Variants in SV2C observed in about 807,000 individuals in gnomAD.
The protein encoded by SV2C is synaptic vesicle glycoprotein 2C.
Under a neutral mutation model 79.7 loss-of-function variants are expected in SV2C, and 49 were observed. The observed-to-expected ratio is 0.61, with a 90% CI of 0.49 to 0.78. SV2C has a LOEUF of 0.78. SV2C is among the 30% of genes least tolerant of loss of function. The pLI is 0.00. For synonymous variants in SV2C, 334 were observed against 333.2 expected, an observed-to-expected ratio of 1.00 and a Z score of -0.03; for missense variants, 833 against 912.9, an observed-to-expected ratio of 0.91 and a Z score of 1.13.
At chr5:76,003,965 A>T in the SV2C span, among the ~76,000 whole-genome samples, 1 of 152,070 alleles carries the variant, frequency 6.6e-6, no homozygotes, top group East Asian at 1.9e-4. Context: ...GATTTGGAGC[A>T]AAGGGTGGAG....
chr5:76,293,581 C>G (rs1747632708), intron 8 of SV2C, among the ~76,000 whole-genome samples: 1 of 152,028 alleles, frequency 6.6e-6, no homozygotes, highest in Admixed American at 6.6e-5. Context: ...GGTTTGTGCC[C>G]CATGTATGTG....
intron 2 of SV2C, among the ~76,000 whole-genome samples, chr5:76,173,339 C>T (rs1319565004): frequency 6.6e-6 from 1 of 151,810 alleles, no homozygotes; most frequent in Non-Finnish European, 1.5e-5. Flanking sequence ...CATACATGTA[C>T]AACATTGGTG....
At chr5:75,936,238 C>T in the SV2C span, among the ~76,000 whole-genome samples, 1 of 152,300 alleles carries the variant, frequency 6.6e-6, no homozygotes, top group East Asian at 1.9e-4. Context: ...ACATCTATTT[C>T]TCCTGACACA....
the SV2C span, among the ~76,000 whole-genome samples, chr5:75,864,316 C>T: frequency 2.1e-5 from 3 of 143,470 alleles, no homozygotes; most frequent in Admixed American, 2.0e-4. Context: ...GCCACTCCAT[C>T]CATCCATCCA....
chr5:76,047,307 A>T, the SV2C span, among the ~76,000 whole-genome samples: 9 of 152,232 alleles, frequency 5.9e-5, no homozygotes, highest in African/African-American at 9.6e-5. Flanking sequence ...AATACAAGTG[A>T]TTAGTTTCAC....
chr5:76,183,676 C>T (rs1249252762), intron 2 of SV2C, among the ~76,000 whole-genome samples: 5 of 152,128 alleles, frequency 3.3e-5, no homozygotes, highest in Non-Finnish European at 5.9e-5. Context: ...TCTCTTGCCA[C>T]TCTCCCCCAA....
chr5:75,875,035 T>G, the SV2C span, among the ~76,000 whole-genome samples: 1 of 152,002 alleles, frequency 6.6e-6, no homozygotes, highest in African/African-American at 2.4e-5. Flanking sequence ...ACGACATTCT[T>G]CAAATAACAA....
chr5:75,979,061 G>A, the SV2C span, among the ~76,000 whole-genome samples: 17,928 of 152,106 alleles, frequency 0.12, 3,050 homozygotes, highest in African/African-American at 0.38. Flanking sequence ...CAAATGAAAA[G>A]CAGAAAAATG....
chr5:76,280,919 G>T, intron 4 of SV2C: 2 of 523,534 alleles, frequency 3.8e-6, no homozygotes, highest in Non-Finnish European at 7.7e-6. Flanking sequence ...TGTTCCTGGT[G>T]CTGAGAGCGC....
At chr5:75,972,831 A>G in the SV2C span, among the ~76,000 whole-genome samples, 1 of 152,118 alleles carries the variant, frequency 6.6e-6, no homozygotes, top group African/African-American at 2.4e-5. Flanking sequence ...TACTGGGTAA[A>G]CACCCAAAGG....
At chr5:75,935,943 A>G in the SV2C span, among the ~76,000 whole-genome samples, 1 of 152,322 alleles carries the variant, frequency 6.6e-6, no homozygotes, top group African/African-American at 2.4e-5. Flanking sequence ...CTACAAAACT[A>G]TAAAATTTTT....
the SV2C span, among the ~76,000 whole-genome samples, chr5:75,932,038 T>C: frequency 6.6e-6 from 1 of 152,294 alleles, no homozygotes; most frequent in South Asian, 2.1e-4. Context: ...ATTCCCATCA[T>C]TTGAAGGCTT....
chr5:75,862,997 G>A, the SV2C span, among the ~76,000 whole-genome samples: 3 of 152,164 alleles, frequency 2.0e-5, no homozygotes, highest in Admixed American at 6.5e-5. Context: ...CTGTTACCTG[G>A]TGTGGATTCC....
At chr5:76,157,828 G>A (rs1358547379) in intron 2 of SV2C, among the ~76,000 whole-genome samples, 1 of 151,662 alleles carries the variant, frequency 6.6e-6, no homozygotes. Context: ...GTTATATAAT[G>A]TAATAATTAA....
intron 2 of SV2C, among the ~76,000 whole-genome samples, chr5:76,192,798 CA>C (rs1442429335): frequency 3.9e-5 from 6 of 152,140 alleles, no homozygotes; most frequent in Non-Finnish European, 8.8e-5. Context: ...AGTGTAGTCA[CA>C]AAAGATTACT....
At chr5:75,881,749 A>G in the SV2C span, among the ~76,000 whole-genome samples, 1 of 151,770 alleles carries the variant, frequency 6.6e-6, no homozygotes, top group East Asian at 1.9e-4. Context: ...GCAAACACGG[A>G]CAATTTGACT....
the SV2C span, among the ~76,000 whole-genome samples, chr5:75,989,401 G>A: frequency 1.3e-5 from 2 of 152,150 alleles, no homozygotes; most frequent in Admixed American, 1.3e-4. Context: ...TTCTGTTCCT[G>A]TGTTAGTTTG....
At position 76,300,938 on chromosome 5, in the gene SV2C, T is replaced by C; in HGVS notation, c.1840+6T>C. 1.2e-6 allele frequency: 2 copies of C among 1,613,924 alleles called. No homozygotes were observed. The highest frequency in any genetic ancestry group is 1.7e-6 in the Non-Finnish European group (2 of 1,179,860). The stretch of plus-strand genomic sequence containing the variant: ...TGGGCGCTTAACAATGCTAGGTATG[T>C]ACTCAGTTTCATGTCAAATAAAAGA... On this transcript the variant is annotated splice_donor_region_variant and intron_variant, in intron 11 of 12. Transcript: ENST00000502798.
rs1284280096 is a variant in SV2C at position 76,170,865 on chromosome 5, C to G, written c.581-24054C>G. 87 of 273,758 alleles carry G rather than the reference C, an allele frequency of 3.2e-4. No homozygotes were observed. In the East Asian group the frequency reaches 7.4e-3, roughly 23 times the overall value. 17.0% of individuals were successfully genotyped at this position (273,758 alleles called of 1,614,324 possible). A position where few individuals can be genotyped will look rare whatever the true frequency, so the allele number is the denominator to read the frequency against. On this transcript the variant is annotated intron_variant, in intron 2 of 12. Coordinates refer to ENST00000502798, the MANE Select transcript of SV2C (RefSeq NM_014979.4). ...GGTGGTGGTTGGCGCGGCTGCGCTG[C>G]GGCCCGGGGCAGTGCGGAGCCGGGA...
Sources: allele counts gnomAD v4.1 joint callset (sites outside exome capture counted in the v4.1 genomes callset), GRCh38; gene constraint gnomAD v4.1.1; transcripts MANE v1.5; gene names NCBI Gene and HGNC (gene_info 2026-07-23, HGNC 2026-07-21).